Variants in SERGEF observed in about 807,000 individuals in gnomAD.
SERGEF encodes the protein secretion regulating guanine nucleotide exchange factor.
A neutral mutation model predicts 50.0 loss-of-function variants in SERGEF; 51 were observed. The observed-to-expected ratio is 1.02, with a 90% CI of 0.81 to 1.29. The LOEUF is 1.29. SERGEF is among the 50% of genes most tolerant of loss of function. SERGEF has a pLI of 0.00. For synonymous variants in SERGEF, 205 were observed against 212.4 expected, an observed-to-expected ratio of 0.97 and a Z score of 0.30; for missense variants, 521 against 557.0, an observed-to-expected ratio of 0.94 and a Z score of 0.65.
At chr11:17,866,282 G>A (rs1244538975) in intron 10 of SERGEF, among the ~76,000 whole-genome samples, 1 of 152,198 alleles carries the variant, frequency 6.6e-6, no homozygotes, top group African/African-American at 2.4e-5. Context: ...ACCCAGGAAG[G>A]CAGCCAAAGA....
At chr11:17,981,803 C>CT (rs959763835) in intron 8 of SERGEF, among the ~76,000 whole-genome samples, 5 of 151,472 alleles carry the variant, frequency 3.3e-5, no homozygotes, top group Admixed American at 6.6e-5. Flanking sequence ...AGCAGAACTT[C>CT]TTTTTTTTTC....
At chr11:17,998,585 A>G (rs1358402564) in intron 5 of SERGEF, among the ~76,000 whole-genome samples, 1 of 148,828 alleles carries the variant, frequency 6.7e-6, no homozygotes, top group Admixed American at 6.7e-5. Context: ...CATGGGAAGA[A>G]CTGTATCCCC....
rs1852841250 is a variant in SERGEF at position 17,955,195 on chromosome 11, TC to T, written c.1011+4274del. Among the ~76,000 whole-genome samples, 3 of 152,352 alleles carry T rather than the reference TC, an allele frequency of 2.0e-5. No homozygotes were observed. In the South Asian group the frequency reaches 6.2e-4, roughly 32 times the overall value. ...TTAAGAACCCAATTCAAATAACATT[TC>T]TTTTTTGTTAGTGTCTTCAGAATTG... On this transcript the variant is annotated intron_variant, in intron 9 of 10. Transcript: ENST00000265965.
chr11:17,903,576 C>A (rs1851785694), intron 9 of SERGEF, among the ~76,000 whole-genome samples: 1 of 152,084 alleles, frequency 6.6e-6, no homozygotes, highest in Non-Finnish European at 1.5e-5. Context: ...TGAGGAGAGG[C>A]CTGGGCAGCA....
intron 10 of SERGEF, among the ~76,000 whole-genome samples, chr11:17,805,162 T>TGCCACAG (rs1849735036): frequency 1.3e-5 from 2 of 152,192 alleles, no homozygotes; most frequent in Non-Finnish European, 2.9e-5. Flanking sequence ...GCCACATGGC[T>TGCCACAG]CCATGGCAGT....
intron 1 of SERGEF, among the ~76,000 whole-genome samples, chr11:18,008,277 T>A (rs1320842445): frequency 6.6e-6 from 1 of 152,194 alleles, no homozygotes; most frequent in Non-Finnish European, 1.5e-5. Context: ...AAATATATAA[T>A]AACAAGCACC....
intron 9 of SERGEF, among the ~76,000 whole-genome samples, chr11:17,914,027 AG>A (rs1852002271): frequency 6.6e-6 from 1 of 152,218 alleles, no homozygotes; most frequent in Non-Finnish European, 1.5e-5. Flanking sequence ...CTGGCATTAA[AG>A]GTCTTCTCAA....
intron 10 of SERGEF, among the ~76,000 whole-genome samples, chr11:17,805,011 A>T (rs1364351009): frequency 6.6e-6 from 1 of 152,242 alleles, no homozygotes; most frequent in Non-Finnish European, 1.5e-5. Context: ...TTTCATAACA[A>T]AAAAAGTTTG....
At chr11:17,963,630 C>T (rs1410199392) in intron 8 of SERGEF, among the ~76,000 whole-genome samples, 1 of 152,098 alleles carries the variant, frequency 6.6e-6, no homozygotes, top group East Asian at 1.9e-4. Context: ...AAGTGATCTG[C>T]CTGCCTCAGC....
At chr11:17,987,983 T>G (rs211122) in intron 8 of SERGEF, among the ~76,000 whole-genome samples, 1 of 152,156 alleles carries the variant, frequency 6.6e-6, no homozygotes, top group Non-Finnish European at 1.5e-5. Context: ...AGGACAAAGT[T>G]AACAATATGA....
chr11:17,962,303 G>C (rs1174960479), intron 8 of SERGEF, among the ~76,000 whole-genome samples: 1 of 151,936 alleles, frequency 6.6e-6, no homozygotes, highest in East Asian at 1.9e-4. Context: ...TGAAATAAAG[G>C]CATAAACACA....
chr11:17,999,388 T>C (rs1404723800), intron 5 of SERGEF: 2 of 315,434 alleles, frequency 6.3e-6, no homozygotes, highest in East Asian at 9.1e-5. Context: ...TGCAGCTGCA[T>C]GTGCATCTGC....
rs939168895 is a variant in SERGEF, at chr11:17,884,355, G to T, written c.1012-6111C>A. Among the ~76,000 whole-genome samples the T allele has an allele frequency of 8.5e-5, 13 of 152,170 alleles. No individual in the cohort carries two copies. Among genetic ancestry groups the T allele is most frequent in the Non-Finnish European group, 8.8e-5 (6 of 68,014 alleles). On this transcript the variant is annotated intron_variant, in intron 9 of 10. Transcript: ENST00000265965. This position sits in a 1 kb window ranked among gnomAD's most constrained non-coding sequence, Gnocchi z 4.6. ...AGCGTACCAGAAGCAGCTCCAGAAT[G>T]GCAGCCCCAGCTGGCTGGGCAGCCT...
At chr11:17,942,578 T>G (rs1306801042) in intron 9 of SERGEF, among the ~76,000 whole-genome samples, 2 of 152,178 alleles carry the variant, frequency 1.3e-5, no homozygotes. Flanking sequence ...CCTCTTCTTT[T>G]CTGATTTTAA....
At chr11:17,881,515 C>T (rs1565193716) in intron 9 of SERGEF, among the ~76,000 whole-genome samples, 1 of 152,198 alleles carries the variant, frequency 6.6e-6, no homozygotes, top group Non-Finnish European at 1.5e-5. Context: ...GTATCAATGA[C>T]CATTTGCTTC....
intron 8 of SERGEF, among the ~76,000 whole-genome samples, chr11:17,972,637 C>T (rs1853273711): frequency 6.6e-6 from 1 of 152,172 alleles, no homozygotes; most frequent in Admixed American, 6.5e-5. Flanking sequence ...GTGTGACTCG[C>T]TTTATTGGAT....
At chr11:17,871,602 A>G (rs1295578254) in intron 10 of SERGEF, among the ~76,000 whole-genome samples, 1 of 152,220 alleles carries the variant, frequency 6.6e-6, no homozygotes, top group Non-Finnish European at 1.5e-5. Flanking sequence ...AACCCAACTT[A>G]AAACAATGGG....
At chr11:17,882,506 T>A (rs537598356) in intron 9 of SERGEF, among the ~76,000 whole-genome samples, 15 of 152,036 alleles carry the variant, frequency 9.9e-5, no homozygotes, top group African/African-American at 2.9e-4. Context: ...CAGAGCCAGC[T>A]GCCCCGTCCT....
chr11:17,794,724 CAA>C (rs1381477423), intron 10 of SERGEF, among the ~76,000 whole-genome samples: 1 of 152,186 alleles, frequency 6.6e-6, no homozygotes, highest in East Asian at 1.9e-4. Context: ...TGCAAGGAAA[CAA>C]GAGGCAGAGC....
Sources: allele counts gnomAD v4.1 joint callset (sites outside exome capture counted in the v4.1 genomes callset), GRCh38; gene constraint gnomAD v4.1.1; non-coding constraint Gnocchi (gnomAD v3.1); transcripts MANE v1.5; gene names NCBI Gene and HGNC (gene_info 2026-07-23, HGNC 2026-07-21).